Variants in ZNF292 observed in about 807,000 individuals in gnomAD.
ZNF292 encodes zinc finger protein 292.
ZNF292 carries 26 observed loss-of-function variants against 217.9 expected under a neutral mutation model. That is an observed-to-expected ratio of 0.12 (90% CI 0.09 to 0.17). The LOEUF is 0.17. Among genes scored for constraint, ZNF292 ranks in the 10% least tolerant of loss-of-function variants. The pLI, the probability that ZNF292 is intolerant of heterozygous loss-of-function variation, is 1.00. For missense variants in ZNF292, 2,904 were observed against 3,175.2 expected (o/e 0.91, Z 2.05); for synonymous variants, 1,257 against 1,124.1 (o/e 1.12, Z -2.37).
chr6:87,210,917 AT>A (rs1261579321), intron 1 of ZNF292, among the ~76,000 whole-genome samples: 1 of 152,002 alleles, frequency 6.6e-6, no homozygotes, highest in African/African-American at 2.4e-5. Context: ...AAAGTTGCCA[AT>A]TTTTTTTGTT....
intron 1 of ZNF292, among the ~76,000 whole-genome samples, chr6:87,176,968 C>T (rs1771319251): frequency 6.6e-6 from 1 of 152,110 alleles, no homozygotes; most frequent in African/African-American, 2.4e-5. Flanking sequence ...AATAAGAAAG[C>T]CTGTTGCTAT....
chr6:87,255,849 C>T lies in ZNF292; in HGVS notation c.2220C>T (p.His740=), dbSNP rs369228004. The T allele has an allele frequency of 1.0e-4, 168 of 1,613,816 alleles. No homozygotes were observed. The African/African-American group carries it at 1.9e-3, about 18-fold the overall frequency. Residue 740 remains histidine, a synonymous_variant, in exon 8 of 8, where the codon CAC becomes CAT. Transcript: ENST00000369577. ...TGAGTGTTACTCATCTCAATGATCA[C>T]TTACAGATGCACTGTGGCAGTAAAC... ...HFVSVTHLND[H]LQMHCGSKPY...
Position 87,243,462 on chromosome 6 carries a change from G to A in ZNF292, c.742-13G>A. The A allele has an allele frequency of 6.5e-7, 1 of 1,535,272 alleles. No homozygotes were observed. The highest frequency in any genetic ancestry group is 8.8e-7 in the Non-Finnish European group (1 of 1,141,478). The stretch of plus-strand genomic sequence containing the variant: ...ACCATTTTGTGGCATATTTCTATTG[G>A]CTTTTTCTTTAGATTTCAGAAGTTG... On this transcript the variant is annotated splice_polypyrimidine_tract_variant and intron_variant, in intron 5 of 7. Transcript: ENST00000369577.
chr6:87,215,418 T>C (rs1772702181), intron 1 of ZNF292, among the ~76,000 whole-genome samples: 1 of 152,180 alleles, frequency 6.6e-6, no homozygotes. Flanking sequence ...CAAAAAATTA[T>C]TAATTTGTAT....
chr6:87,230,026 G>T (rs1018882712), intron 4 of ZNF292, among the ~76,000 whole-genome samples: 1 of 152,152 alleles, frequency 6.6e-6, no homozygotes, highest in Non-Finnish European at 1.5e-5. Context: ...ATGGAATTGA[G>T]TATTTAGGCA....
chr6:87,237,996 A>G (rs1582474395), intron 5 of ZNF292, among the ~76,000 whole-genome samples: 2 of 152,176 alleles, frequency 1.3e-5, no homozygotes, highest in Admixed American at 1.3e-4. Context: ...ATTTAATGTC[A>G]TATTTTTTCA....
chr6:87,229,534 C>T (rs1304464498), intron 4 of ZNF292, among the ~76,000 whole-genome samples: 1 of 152,196 alleles, frequency 6.6e-6, no homozygotes, highest in East Asian at 1.9e-4. Flanking sequence ...TCAAGCAATT[C>T]TCCTGCCTCA....
intron 5 of ZNF292, 145 bp from the exon 6 acceptor site, chr6:87,243,330 A>G (rs1396903702): frequency 3.3e-6 from 2 of 610,038 alleles, no homozygotes. Context: ...AGTAATGACA[A>G]ATTATAACTG....
At chr6:87,210,640 C>T (rs987576738) in intron 1 of ZNF292, among the ~76,000 whole-genome samples, 9 of 151,990 alleles carry the variant, frequency 5.9e-5, no homozygotes, top group African/African-American at 2.2e-4. Flanking sequence ...AGTAGCCAGG[C>T]TTGGTGGCGG....
chr6:87,192,101 A>G (rs1387830736), intron 1 of ZNF292, among the ~76,000 whole-genome samples: 2 of 152,228 alleles, frequency 1.3e-5, no homozygotes, highest in Non-Finnish European at 2.9e-5. Flanking sequence ...TTTGACTACA[A>G]AAACATTTAT....
chr6:87,202,269 C>G (rs1772120276), intron 1 of ZNF292, among the ~76,000 whole-genome samples: 1 of 151,860 alleles, frequency 6.6e-6, no homozygotes, highest in South Asian at 2.1e-4. Context: ...CTTATAAATA[C>G]TTTGTTAGAT....
chr6:87,170,836 T>C (rs925492863), intron 1 of ZNF292, among the ~76,000 whole-genome samples: 1 of 152,186 alleles, frequency 6.6e-6, no homozygotes, highest in Non-Finnish European at 1.5e-5. Context: ...ATGCCACTTG[T>C]AGCTTTTCTT....
intron 2 of ZNF292, 67 bp downstream of exon 2, chr6:87,216,124 C>G (rs77141629): frequency 4.3e-6 from 1 of 235,180 alleles, no homozygotes; most frequent in Non-Finnish European, 5.9e-6. Context: ...CACACACACA[C>G]ACACACACAC....
chr6:87,163,258 T>C (rs910076277), intron 1 of ZNF292, among the ~76,000 whole-genome samples: 22 of 152,280 alleles, frequency 1.4e-4, no homozygotes, highest in African/African-American at 5.3e-4. Context: ...GAGACCATCC[T>C]GGCTAACATG....
At chr6:87,249,451 G>A (rs1229479198) in intron 7 of ZNF292, 1 of 260,872 alleles carries the variant, frequency 3.8e-6, no homozygotes, top group Non-Finnish European at 8.0e-6. Flanking sequence ...TCTTGACAGG[G>A]ATAGTATGCA....
chr6:87,196,171 C>T (rs1428871290), intron 1 of ZNF292, among the ~76,000 whole-genome samples: 1 of 152,162 alleles, frequency 6.6e-6, no homozygotes, highest in Non-Finnish European at 1.5e-5. Flanking sequence ...TGTGCCTTGC[C>T]AAATTGTCAT....
In ZNF292 at chr6:87,257,413, T is replaced by C; in HGVS notation, c.3784T>C (p.Phe1262Leu). The C allele has an allele frequency of 6.2e-7, 1 of 1,613,598 alleles. No individual in the cohort carries two copies. The highest frequency in any genetic ancestry group is 8.5e-7 in the Non-Finnish European group (1 of 1,179,750). ...GAATATTGACAGTGGCTCAGATCCT[T>C]TCCTTCCTTTACCTGCAGAAAGTAG... ...PLNIDSGSDP[F>L]LPLPAESSSM... Residue 1262 changes from phenylalanine to leucine, a missense_variant, in exon 8 of 8, where the codon TTC (phenylalanine) becomes CTC (leucine). Phe to Leu is a conservative substitution (Grantham distance 22, BLOSUM62 0). Coordinates refer to ENST00000369577, the MANE Select transcript of ZNF292 (RefSeq NM_015021.3).
Position 87,255,950 on chromosome 6 carries a change from A to G in ZNF292, c.2321A>G (p.His774Arg). The part of the protein sequence containing the change: ...YAELLTHRKE[H>R]QVFRAKCMFP... ...GAGCTTTTAACCCACCGAAAGGAGCATCAAGTCTTTAGAGCAAAATGTATG... is the reference window on the plus strand; with the variant it reads ...GAGCTTTTAACCCACCGAAAGGAGCGTCAAGTCTTTAGAGCAAAATGTATG... Residue 774 changes from histidine to arginine, a missense_variant, in exon 8 of 8, where the codon CAT becomes CGT. Coordinates refer to ENST00000369577, the MANE Select transcript of ZNF292 (RefSeq NM_015021.3). 6.2e-7 allele frequency: 1 copy of G among 1,612,934 alleles called. No homozygotes were observed. Among genetic ancestry groups the G allele is most frequent in the Non-Finnish European group, 8.5e-7 (1 of 1,179,356 alleles).
Position 87,259,192 on chromosome 6 carries a change from A to G in ZNF292, c.5563A>G (p.Thr1855Ala), listed in dbSNP as rs370204704. The change falls in exon 8 of 8, where the codon ACT becomes GCT. Residue 1855 changes from threonine (T) to alanine (A), a missense_variant. By Grantham distance (58) the Thr-to-Ala change is moderately conservative. Transcript: ENST00000369577. Reference protein sequence around the residue: ...QKLKLENDLSTPASQCVLINT... With the variant: ...QKLKLENDLSAPASQCVLINT... Reference sequence around the variant, plus strand: ...ATTAAAATTAGAAAATGACCTATCCACTCCAGCATCCCAATGTGTACTGAT... The same window carrying G: ...ATTAAAATTAGAAAATGACCTATCCGCTCCAGCATCCCAATGTGTACTGAT... The G allele has an allele frequency of 1.2e-5, 19 of 1,613,388 alleles. No individual in the cohort carries two copies. The highest frequency in any genetic ancestry group is 2.7e-5 in the African/African-American group (2 of 74,832).
Sources: gnomAD v4.1 joint callset for allele counts (sites outside exome capture counted in the v4.1 genomes callset) on GRCh38, gnomAD v4.1.1 for gene constraint, MANE v1.5 for transcripts, NCBI Gene and HGNC (gene_info 2026-07-23, HGNC 2026-07-21) for gene names.